GRM7: variants seen among roughly 807,000 people sequenced by gnomAD.
GRM7 encodes metabotropic glutamate receptor 7.
In GRM7, 35 loss-of-function variants were observed where a neutral mutation model predicts 84.5. The observed-to-expected ratio is 0.41, with a 90% CI of 0.32 to 0.55. The LOEUF is 0.55. Among genes scored for constraint, GRM7 ranks in the 20% least tolerant of loss-of-function variants. GRM7 has a pLI of 0.19. For synonymous variants in GRM7, 487 were observed against 455.1 expected (o/e 1.07, Z -0.89); for missense variants, 1,003 against 1,194.6 (o/e 0.84, Z 2.36).
intron 6 of GRM7, among the ~76,000 whole-genome samples, chr3:7,455,155 A>G (rs1295134303): frequency 6.6e-6 from 1 of 152,170 alleles, no homozygotes; most frequent in African/African-American, 2.4e-5. Flanking sequence ...ATAAATAACC[A>G]TGAGTCCATA....
At chr3:7,166,091 G>C (rs552391541) in intron 2 of GRM7, among the ~76,000 whole-genome samples, 1 of 152,118 alleles carries the variant, frequency 6.6e-6, no homozygotes, top group Non-Finnish European at 1.5e-5. Context: ...GTCAGTTTCA[G>C]AATTAAAGAA....
At chr3:7,407,720 T>C (rs1695743799) in intron 4 of GRM7, among the ~76,000 whole-genome samples, 1 of 152,192 alleles carries the variant, frequency 6.6e-6, no homozygotes, top group African/African-American at 2.4e-5. Flanking sequence ...AAAACAAAAG[T>C]GGCAGAAATG....
intron 7 of GRM7, among the ~76,000 whole-genome samples, chr3:7,488,960 G>C (rs1370898586): frequency 6.6e-6 from 1 of 152,026 alleles, no homozygotes; most frequent in Admixed American, 6.6e-5. Flanking sequence ...CAGGGTGATA[G>C]ATGTCACTAA....
chr3:7,277,560 G>T (rs1397131323), intron 2 of GRM7, among the ~76,000 whole-genome samples: 3 of 152,060 alleles, frequency 2.0e-5, no homozygotes, highest in Non-Finnish European at 2.9e-5. Context: ...TTTTTAAAAA[G>T]ATGTCATTGT....
intron 7 of GRM7, among the ~76,000 whole-genome samples, chr3:7,530,318 C>T (rs927850702): frequency 2.0e-5 from 3 of 152,028 alleles, no homozygotes; most frequent in Non-Finnish European, 2.9e-5. Context: ...GTATATGTGC[C>T]GCATTTTCTT....
intron 7 of GRM7, among the ~76,000 whole-genome samples, chr3:7,568,468 C>T (rs1437751745): frequency 6.6e-6 from 1 of 152,250 alleles, no homozygotes. Context: ...GCTCTCGGCG[C>T]CTCCTCGGCC....
chr3:6,882,001 T>G (rs1417596013), intron 1 of GRM7, among the ~76,000 whole-genome samples: 2 of 151,924 alleles, frequency 1.3e-5, no homozygotes, highest in Non-Finnish European at 2.9e-5. Context: ...AAAATATAGA[T>G]AAATCCAACT....
At chr3:7,412,924 T>G (rs564574446) in intron 4 of GRM7, among the ~76,000 whole-genome samples, 38 of 152,230 alleles carry the variant, frequency 2.5e-4, no homozygotes, top group Middle Eastern at 3.4e-3. Context: ...GCTATATGTG[T>G]TCAGATTACT....
chr3:7,683,861 T>C (rs1700475852), intron 9 of GRM7, among the ~76,000 whole-genome samples: 1 of 152,232 alleles, frequency 6.6e-6, no homozygotes. Context: ...GATTTTATTC[T>C]AGGAAACTCA....
intron 7 of GRM7, among the ~76,000 whole-genome samples, chr3:7,550,577 C>CTGTGTGTGTGTG (rs369817211): frequency 1.9e-5 from 1 of 52,978 alleles, no homozygotes; most frequent in Non-Finnish European, 3.9e-5. Flanking sequence ...CTCTCTCTCT[C>CTGTGTGTGTGTG]TGTGTGTGTG....
chr3:7,667,646 G>A (rs1477062425), intron 8 of GRM7, among the ~76,000 whole-genome samples: 1 of 151,726 alleles, frequency 6.6e-6, no homozygotes, highest in African/African-American at 2.4e-5. Context: ...TATAAACATG[G>A]TCCTAGATAT....
intron 4 of GRM7, among the ~76,000 whole-genome samples, chr3:7,306,982 G>T (rs1320523076): frequency 6.6e-6 from 1 of 152,238 alleles, no homozygotes; most frequent in East Asian, 1.9e-4. Context: ...AGTGAGCTAC[G>T]TTTTCCAAGA....
chr3:7,643,565 GA>G (rs1225459339), intron 8 of GRM7, among the ~76,000 whole-genome samples: 1 of 152,196 alleles, frequency 6.6e-6, no homozygotes, highest in Non-Finnish European at 1.5e-5. Flanking sequence ...GTATAGGTCA[GA>G]AGCTTTCCAC....
intron 2 of GRM7, among the ~76,000 whole-genome samples, chr3:7,277,845 GC>G (rs1467667948): frequency 6.6e-6 from 1 of 151,922 alleles, no homozygotes; most frequent in Admixed American, 6.6e-5. Flanking sequence ...ATCTTTTATA[GC>G]TATTAGCTAA....
intron 1 of GRM7, among the ~76,000 whole-genome samples, chr3:6,945,192 C>T (rs1698021908): frequency 6.6e-6 from 1 of 152,076 alleles, no homozygotes; most frequent in South Asian, 2.1e-4. Context: ...AGTTATATCT[C>T]CTAATGCTGT....
intron 5 of GRM7, among the ~76,000 whole-genome samples, chr3:7,441,347 T>C (rs1697278939): frequency 6.6e-6 from 1 of 152,210 alleles, no homozygotes; most frequent in African/African-American, 2.4e-5. Context: ...ATTTGGTTTT[T>C]GCTTGTTAAT....
intron 3 of GRM7, 142 bp from the exon 4 acceptor site, chr3:7,306,356 G>A (rs1216349568): frequency 9.1e-6 from 6 of 655,862 alleles, no homozygotes; most frequent in African/African-American, 1.8e-5. Context: ...ATATATTAGG[G>A]ATATAAATTC....
At chr3:7,413,744 G>C (rs1012204628) in intron 4 of GRM7, among the ~76,000 whole-genome samples, 1 of 152,172 alleles carries the variant, frequency 6.6e-6, no homozygotes, top group Non-Finnish European at 1.5e-5. Context: ...AGTAGAGAAA[G>C]AGAGGAAATG....
At chr3:6,939,177 G>A (rs1697800118) in intron 1 of GRM7, among the ~76,000 whole-genome samples, 1 of 152,012 alleles carries the variant, frequency 6.6e-6, no homozygotes, top group Non-Finnish European at 1.5e-5. Context: ...GTTAAGAAAA[G>A]TTACTTGATC....
Sources: gnomAD v4.1 joint callset for allele counts (sites outside exome capture counted in the v4.1 genomes callset) on GRCh38, gnomAD v4.1.1 for gene constraint, MANE v1.5 for transcripts, NCBI Gene and HGNC (gene_info 2026-07-23, HGNC 2026-07-21) for gene names.